FARS2: variants seen among roughly 807,000 people sequenced by gnomAD.
FARS2 encodes the protein phenylalanine--tRNA ligase, mitochondrial.
In FARS2, 40 loss-of-function variants were observed where a neutral mutation model predicts 46.4. That is an observed-to-expected ratio of 0.86 (90% CI 0.67 to 1.12). The LOEUF (loss-of-function observed/expected upper bound fraction) is 1.12, where lower values mean the gene tolerates loss of function less well. Ranked by LOEUF, FARS2 falls within the 50% of genes most tolerant of loss-of-function variation. FARS2 has a pLI of 0.00. For synonymous variants in FARS2, 234 were observed against 214.9 expected (o/e 1.09, Z -0.78); for missense variants, 513 against 567.9 (o/e 0.90, Z 0.98).
intron 4 of FARS2, among the ~76,000 whole-genome samples, chr6:5,539,384 G>GTGTGTGTATATATATATATA: frequency 1.3e-5 from 1 of 79,582 alleles, no homozygotes; most frequent in Non-Finnish European, 2.8e-5. Context: ...TTTTTTTTGT[G>GTGTGTGTATATATATATATA]TATATATATA....
intron 5 of FARS2, among the ~76,000 whole-genome samples, chr6:5,558,685 C>T (rs1336445513): frequency 7.2e-5 from 11 of 151,970 alleles, no homozygotes; most frequent in South Asian, 2.1e-4. Context: ...TACAGGCACC[C>T]GCCACCACAC....
intron 6 of FARS2, among the ~76,000 whole-genome samples, chr6:5,748,416 C>G (rs1761758861): frequency 6.6e-6 from 1 of 152,210 alleles, no homozygotes; most frequent in African/African-American, 2.4e-5. Flanking sequence ...CTTTGGGACT[C>G]TCAAGCCTCA....
chr6:5,483,800 A>AG (rs749333627), intron 4 of FARS2, among the ~76,000 whole-genome samples: 25 of 152,162 alleles, frequency 1.6e-4, no homozygotes, highest in East Asian at 1.2e-3. Context: ...TGAGCAGGTG[A>AG]GGGGGGGCAT....
intron 1 of FARS2, among the ~76,000 whole-genome samples, chr6:5,362,636 T>A (rs1336399615): frequency 6.6e-6 from 1 of 152,198 alleles, no homozygotes; most frequent in Non-Finnish European, 1.5e-5. Flanking sequence ...GTTCTATTTT[T>A]AAATTTTTTT....
chr6:5,371,313 T>G, intron 2 of FARS2: 1 of 226,086 alleles, frequency 4.4e-6, no homozygotes, highest in Non-Finnish European at 7.4e-6. Flanking sequence ...ATGAATAGGA[T>G]TTTTAGAGTT....
intron 6 of FARS2, among the ~76,000 whole-genome samples, chr6:5,690,818 A>G (rs9392708): frequency 0.38 from 58,134 of 152,174 alleles, 12,837 homozygotes; most frequent in Non-Finnish European, 0.5. Context: ...CATTCTCCCC[A>G]TCACTTTCAA....
At chr6:5,664,664 G>C (rs1364510038) in intron 6 of FARS2, among the ~76,000 whole-genome samples, 1 of 152,226 alleles carries the variant, frequency 6.6e-6, no homozygotes, top group East Asian at 1.9e-4. Context: ...TTGTAGACTG[G>C]TCTGTCTCTC....
intron 1 of FARS2, among the ~76,000 whole-genome samples, chr6:5,351,454 C>T (rs1757567228): frequency 6.6e-6 from 1 of 152,178 alleles, no homozygotes; most frequent in African/African-American, 2.4e-5. Flanking sequence ...GAAAATCAGT[C>T]TCCAAAACAC....
In FARS2 at chr6:5,456,194, A is replaced by T. The variant is rs181495139; in HGVS notation, c.904+25022A>T. On this transcript the variant is annotated intron_variant, in intron 4 of 6. Transcript: ENST00000274680. ...GTGCCACTGCATTCCAGCCTGGGTG[A>T]CAGAGCAAGACCCTGTCTCAAAAAA... Among the ~76,000 whole-genome samples, 615 of 151,336 alleles carry T rather than the reference A, an allele frequency of 4.1e-3. 8 individuals are homozygous for T. The highest frequency in any genetic ancestry group is 0.018 in the East Asian group (92 of 5,096).
At chr6:5,757,506 T>C (rs1220050266) in intron 6 of FARS2, among the ~76,000 whole-genome samples, 1 of 152,158 alleles carries the variant, frequency 6.6e-6, no homozygotes, top group Non-Finnish European at 1.5e-5. Flanking sequence ...CCAAGCAAAA[T>C]TACTTTTTCG....
At chr6:5,439,041 G>T (rs898483978) in intron 4 of FARS2, among the ~76,000 whole-genome samples, 2 of 152,182 alleles carry the variant, frequency 1.3e-5, no homozygotes, top group African/African-American at 2.4e-5. Flanking sequence ...GATCAACCTG[G>T]TGAGCTCTAG....
intron 2 of FARS2, among the ~76,000 whole-genome samples, chr6:5,375,906 T>C (rs753136217): frequency 8.5e-5 from 13 of 152,144 alleles, no homozygotes; most frequent in Non-Finnish European, 1.9e-4. Context: ...TGATAGAATA[T>C]AATATCATAA....
intron 1 of FARS2, among the ~76,000 whole-genome samples, chr6:5,287,541 T>G (rs1767209804): frequency 6.6e-6 from 1 of 152,180 alleles, no homozygotes; most frequent in African/African-American, 2.4e-5. Flanking sequence ...CCTGGCCTGG[T>G]GCGAGCCCAA....
chr6:5,386,076 C>T (rs540052125), intron 2 of FARS2, among the ~76,000 whole-genome samples: 2 of 152,248 alleles, frequency 1.3e-5, no homozygotes, highest in South Asian at 4.1e-4. Context: ...AAACTCTGCT[C>T]CCCACAGTCA....
At chr6:5,431,200 C>A (rs1004641643) in intron 4 of FARS2, 28 bp downstream of exon 4, 1 of 1,611,574 alleles carries the variant, frequency 6.2e-7, no homozygotes, top group Non-Finnish European at 8.5e-7. Flanking sequence ...ATTTTATTTA[C>A]ACGTGCTCTA....
At chr6:5,684,464 C>T (rs750190013) in intron 6 of FARS2, among the ~76,000 whole-genome samples, 21 of 152,168 alleles carry the variant, frequency 1.4e-4, no homozygotes, top group Non-Finnish European at 2.6e-4. Context: ...AGGATTTCTG[C>T]CAACTAAGGT....
At chr6:5,562,381 T>C (rs1772036468) in intron 5 of FARS2, among the ~76,000 whole-genome samples, 1 of 152,196 alleles carries the variant, frequency 6.6e-6, no homozygotes, top group South Asian at 2.1e-4. Context: ...GCTCAATACC[T>C]GATCAAGAGT....
intron 1 of FARS2, among the ~76,000 whole-genome samples, chr6:5,276,105 G>A (rs1766314914): frequency 6.6e-6 from 1 of 152,160 alleles, no homozygotes; most frequent in African/African-American, 2.4e-5. Context: ...TGGGGGAGTT[G>A]TAAGAATTAT....
chr6:5,639,915 G>A (rs1776726464), intron 6 of FARS2, among the ~76,000 whole-genome samples: 2 of 152,212 alleles, frequency 1.3e-5, no homozygotes, highest in South Asian at 4.1e-4. Flanking sequence ...AGTGCCCCAA[G>A]TGGGTCCCCT....
Sources: allele counts gnomAD v4.1 joint callset (sites outside exome capture counted in the v4.1 genomes callset), GRCh38; gene constraint gnomAD v4.1.1; transcripts MANE v1.5; gene names NCBI Gene and HGNC (gene_info 2026-07-23, HGNC 2026-07-21).